The following MAP2K6 variants were observed in gnomAD, a reference collection of about 807,000 sequenced individuals.
The protein encoded by MAP2K6 is mitogen-activated protein kinase kinase 6, also known as dual specificity mitogen-activated protein kinase kinase 6.
In MAP2K6, 16 loss-of-function variants were observed where a neutral mutation model predicts 53.7. The ratio of observed to expected loss-of-function variants is 0.30; its 90% confidence interval spans 0.20 to 0.45. The LOEUF is 0.45. MAP2K6 is among the 20% of genes least tolerant of loss of function. The pLI, the probability that MAP2K6 is intolerant of heterozygous loss-of-function variation, is 1.00. For synonymous variants in MAP2K6, 132 were observed against 143.1 expected (o/e 0.92, Z 0.55); for missense variants, 204 against 411.9 (o/e 0.50, Z 4.37).
intron 2 of MAP2K6, among the ~76,000 whole-genome samples, chr17:69,510,801 CT>C (rs199517185): frequency 0.037 from 5,385 of 144,656 alleles, 264 homozygotes; most frequent in African/African-American, 0.11. Flanking sequence ...TTGTGACATC[CT>C]TTTTTTTTTT....
intron 11 of MAP2K6, among the ~76,000 whole-genome samples, chr17:69,539,973 G>A (rs1054939770): frequency 6.6e-6 from 1 of 152,192 alleles, no homozygotes; most frequent in Admixed American, 6.5e-5. Flanking sequence ...TTTCATGAGT[G>A]TAAGGATCGG....
chr17:69,421,804 A>C (rs1183297900), intron 1 of MAP2K6, among the ~76,000 whole-genome samples: 1 of 151,948 alleles, frequency 6.6e-6, no homozygotes, highest in African/African-American at 2.4e-5. Flanking sequence ...CGGCCTCCCA[A>C]AGTGCTGGGA....
chr17:69,517,389 G>T, intron 3 of MAP2K6, 111 bp from the exon 4 acceptor site: 1 of 542,256 alleles, frequency 1.8e-6, no homozygotes, highest in Non-Finnish European at 3.1e-6. Flanking sequence ...AAAATCTTCT[G>T]GCCCAGAAAT....
chr17:69,461,954 C>T (rs891269285), intron 1 of MAP2K6, among the ~76,000 whole-genome samples: 2 of 152,148 alleles, frequency 1.3e-5, no homozygotes, highest in African/African-American at 2.4e-5. Context: ...GCAGAAAACA[C>T]GATGTCAGGT....
At chr17:69,526,097 T>G (rs963843297) in intron 9 of MAP2K6, among the ~76,000 whole-genome samples, 1 of 152,166 alleles carries the variant, frequency 6.6e-6, no homozygotes, top group Admixed American at 6.5e-5. Flanking sequence ...CAAAGTGGCC[T>G]TTTCTCAAGT....
At chr17:69,541,607 C>T in intron 11 of MAP2K6, 69 bp from the exon 12 acceptor site, 1 of 1,183,756 alleles carries the variant, frequency 8.4e-7, no homozygotes, top group Non-Finnish European at 1.2e-6. Flanking sequence ...CAGATCTATT[C>T]ATTTGCTAAT....
chr17:69,457,820 A>AC (rs1907466911), intron 1 of MAP2K6, among the ~76,000 whole-genome samples: 1 of 151,624 alleles, frequency 6.6e-6, no homozygotes, highest in African/African-American at 2.4e-5. Context: ...CAAAACCAAA[A>AC]CAAAACAAAA....
chr17:69,491,637 T>C (rs1196545053), intron 1 of MAP2K6, among the ~76,000 whole-genome samples: 2 of 152,334 alleles, frequency 1.3e-5, no homozygotes, highest in Non-Finnish European at 2.9e-5. Context: ...CTTTGAGGAA[T>C]AGCCACACTG....
chr17:69,502,157 T>C (rs1909202324), intron 1 of MAP2K6: 1 of 985,474 alleles, frequency 1.0e-6, no homozygotes, highest in Non-Finnish European at 1.2e-6. Context: ...GGTGTCCACA[T>C]AGACCCACTT....
chr17:69,544,775 G>C lies in MAP2K6; in HGVS notation c.*3022G>C, dbSNP rs1037842309. 6.6e-6 allele frequency: 1 copy of C among 152,082 alleles called. No individual in the cohort carries two copies. The highest frequency in any genetic ancestry group is 2.4e-5 in the African/African-American group (1 of 41,408). The allele number at this position is 152,082 out of a possible 1,614,324, so 9.4% of individuals were successfully genotyped here. ...TAAGACTATTACCCTATGTTTGTACGTATGAGTGAATATTGCCCACCAGAG... is the reference window on the plus strand; with the variant it reads ...TAAGACTATTACCCTATGTTTGTACCTATGAGTGAATATTGCCCACCAGAG... On this transcript the variant is annotated 3_prime_UTR_variant, in exon 12 of 12. Coordinates refer to ENST00000590474, the MANE Select transcript of MAP2K6 (RefSeq NM_002758.4).
chr17:69,441,498 T>C (rs781444453), intron 1 of MAP2K6, among the ~76,000 whole-genome samples: 2 of 152,194 alleles, frequency 1.3e-5, no homozygotes, highest in African/African-American at 4.8e-5. Flanking sequence ...GTATATGCGA[T>C]TTCTTTGCTG....
chr17:69,516,806 A>AATTGACTC (rs773549470), intron 2 of MAP2K6, 49 bp from the exon 3 acceptor site: 1 of 1,366,070 alleles, frequency 7.3e-7, no homozygotes, highest in Non-Finnish European at 1.0e-6. Context: ...GGAAGGACAT[A>AATTGACTC]ATTGACTCAA....
At chr17:69,528,156 T>C (rs1473262625) in intron 10 of MAP2K6, among the ~76,000 whole-genome samples, 1 of 139,700 alleles carries the variant, frequency 7.2e-6, no homozygotes, top group African/African-American at 2.7e-5. Context: ...TCAGGAAACA[T>C]GGAAGAAACA....
intron 1 of MAP2K6, among the ~76,000 whole-genome samples, chr17:69,449,583 TTC>T (rs1290557576): frequency 2.1e-5 from 3 of 144,844 alleles, no homozygotes; most frequent in Admixed American, 6.9e-5. Context: ...CTTTCTTTCT[TTC>T]TTTCTTTTTC....
chr17:69,461,435 C>A (rs531644033), intron 1 of MAP2K6, among the ~76,000 whole-genome samples: 1 of 152,306 alleles, frequency 6.6e-6, no homozygotes, highest in African/African-American at 2.4e-5. Context: ...TTATTTCTTC[C>A]AATTTCTGCA....
intron 1 of MAP2K6, among the ~76,000 whole-genome samples, chr17:69,450,101 ATTTT>A (rs55956707): frequency 0.065 from 8,166 of 124,874 alleles, 826 homozygotes; most frequent in African/African-American, 0.23. Flanking sequence ...CACCTGGCTA[ATTTT>A]TTTTTTTTTT....
At position 69,499,248 on chromosome 17, in the gene MAP2K6, A is replaced by G. The variant is rs1482777268; in HGVS notation, c.17-6532A>G. ...ATGGAGCACGGAATTTGAAGAAATA[A>G]GATGCCATCCAGGGAACATTCTGCT... On this transcript the variant is annotated intron_variant, in intron 1 of 11. Transcript: ENST00000590474. 5.3e-5 allele frequency among the ~76,000 whole-genome samples: 8 copies of G among 152,362 alleles called. No individual in the cohort carries two copies. In the East Asian group the frequency reaches 1.5e-3, roughly 29 times the overall value.
At chr17:69,456,164 C>A (rs371786153) in intron 1 of MAP2K6, among the ~76,000 whole-genome samples, 83 of 152,224 alleles carry the variant, frequency 5.5e-4, no homozygotes, top group African/African-American at 2.0e-3. Flanking sequence ...CCTGTCCTGG[C>A]CTTTCAGTTT....
At chr17:69,507,245 A>G (rs1233705411) in intron 2 of MAP2K6, among the ~76,000 whole-genome samples, 1 of 152,198 alleles carries the variant, frequency 6.6e-6, no homozygotes, top group African/African-American at 2.4e-5. Flanking sequence ...TTAACATCTT[A>G]CACAACTATA....
Sources: allele counts gnomAD v4.1 joint callset (sites outside exome capture counted in the v4.1 genomes callset), GRCh38; gene constraint gnomAD v4.1.1; transcripts MANE v1.5; gene names NCBI Gene and HGNC (gene_info 2026-07-23, HGNC 2026-07-21).